MPDZ: variants seen among roughly 807,000 people sequenced by gnomAD.
The protein encoded by MPDZ is multiple PDZ domain crumbs cell polarity complex component, also known as multiple PDZ domain protein.
In MPDZ, 234 loss-of-function variants were observed where a neutral mutation model predicts 239.1. The ratio of observed to expected loss-of-function variants is 0.98; its 90% CI spans 0.88 to 1.09. The LOEUF (loss-of-function observed/expected upper bound fraction) is 1.09, where lower values mean the gene tolerates loss of function less well. MPDZ is among the 50% of genes least tolerant of loss of function. MPDZ has a pLI of 0.00. For synonymous variants in MPDZ, 1,048 were observed against 881.3 expected (o/e 1.19, Z -3.35); for missense variants, 3,175 against 2,510.0 (o/e 1.26, Z -5.66).
At chr9:13,136,019 T>C (rs1946683199) in intron 31 of MPDZ, 73 bp downstream of exon 31, 2 of 1,004,004 alleles carry the variant, frequency 2.0e-6, no homozygotes, top group Non-Finnish European at 3.1e-6. Flanking sequence ...AAGTGTTATG[T>C]AATTGTTGAT....
intron 23 of MPDZ, among the ~76,000 whole-genome samples, chr9:13,160,978 C>T (rs932733299): frequency 6.7e-6 from 1 of 149,678 alleles, no homozygotes; most frequent in South Asian, 2.1e-4. Flanking sequence ...AATACTACAC[C>T]CTTTTATATA....
At chr9:13,236,247 G>A (rs11792383) in intron 3 of MPDZ, among the ~76,000 whole-genome samples, 7,397 of 17,222 alleles carry the variant, frequency 0.43, 1,984 homozygotes, top group East Asian at 0.64. Context: ...GTGTGTGTGT[G>A]TGTATATATA....
chr9:13,110,671 G>C lies in MPDZ; in HGVS notation c.5794C>G (p.Leu1932Val), dbSNP rs748996430. 1.2e-6 allele frequency: 2 copies of C among 1,613,698 alleles called. No individual in the cohort carries two copies. Among genetic ancestry groups the C allele is most frequent in the South Asian group, 2.2e-5 (2 of 91,010 alleles). The change falls in exon 44 of 47, where the codon CTA (leucine) becomes GTA (valine). Residue 1932 changes from leucine to valine, a missense_variant. Leu to Val is a conservative substitution (Grantham distance 32). Coordinates refer to ENST00000319217, the MANE Select transcript of MPDZ (RefSeq NM_001378778.1). The part of the protein sequence containing the change: ...EGMTHTQAVN[L>V]LKNASGSIEM... ...ATGGAGCCAGATGCATTTTTCAGTA[G>C]GTTAACTGCTTGGGTGTGAGTCATG...
rs1277480948 is a variant in MPDZ at position 13,150,583 on chromosome 9, G to A, written c.3558C>T (p.Phe1186=). The A allele has an allele frequency of 1.9e-6, 3 of 1,562,508 alleles. No individual in the cohort carries two copies. The highest frequency in any genetic ancestry group is 1.4e-5 in the African/African-American group (1 of 72,796). ...GACTATCTTCCAGAACATGTTTGATGAAAATGCCCCTCATCACTTCTCCAT... is the reference window on the plus strand; with the variant it reads ...GACTATCTTCCAGAACATGTTTGATAAAAATGCCCCTCATCACTTCTCCAT... ...LSNGEVMRGI[F]IKHVLEDSPA... The change falls in exon 25 of 47, where the codon TTC becomes TTT. Residue 1186 remains phenylalanine, a synonymous_variant. Transcript: ENST00000319217.
chr9:13,256,701 A>C (rs1969525543), intron 1 of MPDZ, among the ~76,000 whole-genome samples: 1 of 152,184 alleles, frequency 6.6e-6, no homozygotes, highest in Non-Finnish European at 1.5e-5. Context: ...CCCCAAAATA[A>C]TTAAAATGGT....
At chr9:13,189,730 T>C (rs531228331) in intron 16 of MPDZ, among the ~76,000 whole-genome samples, 5 of 152,298 alleles carry the variant, frequency 3.3e-5, no homozygotes, top group East Asian at 1.9e-4. Flanking sequence ...GAAATATTAA[T>C]TGGAATATCA....
intron 10 of MPDZ, among the ~76,000 whole-genome samples, chr9:13,216,394 AAAC>A (rs1344658605): frequency 6.6e-6 from 1 of 151,704 alleles, no homozygotes; most frequent in Non-Finnish European, 1.5e-5. Context: ...AAAAAAAAAA[AAAC>A]AATGCAGGCA....
chr9:13,168,067 C>T lies in MPDZ; in HGVS notation c.3254+299G>A, dbSNP rs567546643. On this transcript the variant is annotated intron_variant, in intron 22 of 46. Coordinates refer to ENST00000319217, the MANE Select transcript of MPDZ (RefSeq NM_001378778.1). ...ATCTTTCCAAGATCCTAAAAGTGGG[C>T]CCTCTTGCTCTGTGAGAATCATTGC... Among the ~76,000 whole-genome samples, 232 of 152,162 alleles carry T rather than the reference C, an allele frequency of 1.5e-3. 1 individual carries two copies. The highest frequency in any genetic ancestry group is 3.4e-3 in the Middle Eastern group (1 of 294).
intron 28 of MPDZ, 124 bp downstream of exon 28, chr9:13,139,863 C>T (rs776505223): frequency 9.1e-7 from 1 of 1,104,538 alleles, no homozygotes; most frequent in South Asian, 1.2e-5. Flanking sequence ...TTTCTTTCCA[C>T]ACAGAATTGC....
chr9:13,177,023 T>C (rs1952591008), intron 19 of MPDZ, among the ~76,000 whole-genome samples: 1 of 152,288 alleles, frequency 6.6e-6, no homozygotes, highest in South Asian at 2.1e-4. Context: ...TGTCATAAAA[T>C]GTATGCTCTA....
At chr9:13,152,033 T>A (rs191608086) in intron 24 of MPDZ, among the ~76,000 whole-genome samples, 40 of 152,204 alleles carry the variant, frequency 2.6e-4, no homozygotes, top group Admixed American at 5.2e-4. Flanking sequence ...AAAGGATGAT[T>A]TTACAGGATC....
chr9:13,272,967 G>T (rs796729328), intron 1 of MPDZ, among the ~76,000 whole-genome samples: 2 of 152,146 alleles, frequency 1.3e-5, no homozygotes, highest in African/African-American at 4.8e-5. Flanking sequence ...GTATTAGGGG[G>T]TGGGGTCTTT....
At position 13,136,120 on chromosome 9, in the gene MPDZ, G is replaced by A; in HGVS notation, c.4355C>T (p.Ser1452Phe). The change falls in exon 31 of 47, where the codon TCT becomes TTT. Residue 1452 changes from serine to phenylalanine, a missense_variant. Ser to Phe is a radical substitution (Grantham distance 155, BLOSUM62 -2). Transcript: ENST00000319217. ...CTTATTTTGAAGATTTTCTGAGTTAGAAGGCAAAGGTTCTACTGCATTTCC... is the reference window on the plus strand; with the variant it reads ...CTTATTTTGAAGATTTTCTGAGTTAAAAGGCAAAGGTTCTACTGCATTTCC... ...CPGNAVEPLP[S>F]NSENLQNKET... The A allele has an allele frequency of 2.5e-6, 4 of 1,612,252 alleles. No individual in the cohort carries two copies. The highest frequency in any genetic ancestry group is 3.4e-6 in the Non-Finnish European group (4 of 1,178,930).
intron 26 of MPDZ, among the ~76,000 whole-genome samples, chr9:13,144,344 G>C (rs1587205965): frequency 6.6e-6 from 1 of 151,956 alleles, no homozygotes; most frequent in Admixed American, 6.6e-5. Context: ...CCCTGAGCCA[G>C]ACTGTTAGAG....
intron 26 of MPDZ, 114 bp downstream of exon 26, chr9:13,147,434 T>A (rs1563903323): frequency 5.3e-6 from 4 of 752,912 alleles, no homozygotes; most frequent in Non-Finnish European, 6.8e-6. Context: ...ACAAGTCTCC[T>A]GAGATTTGAA....
chr9:13,205,218 A>C (rs1349719654), intron 11 of MPDZ, 111 bp from the exon 12 acceptor site: 3 of 544,250 alleles, frequency 5.5e-6, no homozygotes, highest in Non-Finnish European at 9.1e-6. Context: ...TGTTTTTCAG[A>C]GATAAACTTC....
chr9:13,268,764 T>C (rs1972345662), intron 1 of MPDZ, among the ~76,000 whole-genome samples: 1 of 152,178 alleles, frequency 6.6e-6, no homozygotes. Flanking sequence ...GATAATTTGA[T>C]GACAGTGAGG....
At chr9:13,111,791 G>A (rs1942519630) in intron 43 of MPDZ, among the ~76,000 whole-genome samples, 1 of 152,128 alleles carries the variant, frequency 6.6e-6, no homozygotes, top group East Asian at 1.9e-4. Context: ...ATAAAAATAT[G>A]TATTAGGAAA....
chr9:13,186,727 C>A (rs1246218785), intron 17 of MPDZ, among the ~76,000 whole-genome samples: 2 of 151,566 alleles, frequency 1.3e-5, no homozygotes, highest in Non-Finnish European at 2.9e-5. Context: ...TTTTTATCTG[C>A]AAAATATTCT....
Sources: allele counts gnomAD v4.1 joint callset (sites outside exome capture counted in the v4.1 genomes callset), GRCh38; gene constraint gnomAD v4.1.1; transcripts MANE v1.5; gene names NCBI Gene and HGNC (gene_info 2026-07-23, HGNC 2026-07-21).